MGRN1: variants seen among roughly 807,000 people sequenced by gnomAD.
MGRN1 encodes E3 ubiquitin-protein ligase MGRN1.
In MGRN1, 29 loss-of-function variants were observed where a neutral mutation model predicts 69.2. The observed-to-expected ratio is 0.42, with a 90% CI of 0.31 to 0.57. The LOEUF is 0.57. Among genes scored for constraint, MGRN1 ranks in the 20% least tolerant of loss-of-function variants. The probability of loss-of-function intolerance (pLI) is 0.15; values close to 1 mark genes in which losing one functional copy is unlikely to be tolerated. For synonymous variants in MGRN1, 470 were observed against 344.2 expected (o/e 1.37, Z -4.04); for missense variants, 998 against 796.2 (o/e 1.25, Z -3.05).
rs564300794 is a variant in MGRN1, at chr16:4,648,781, C to T, written c.89-1584C>T. On this transcript the variant is annotated intron_variant, in intron 1 of 16. Coordinates refer to ENST00000262370, the MANE Select transcript of MGRN1 (RefSeq NM_015246.4). ...CGGCTCCTCCTCCCGGGGCTCTTCC[C>T]GTGGTCACCCGGGTCCTCCTCCCGG... is the stretch of plus-strand genomic sequence containing the variant. Among the ~76,000 whole-genome samples, 10 of 128,590 alleles carry T rather than the reference C, an allele frequency of 7.8e-5. No individual in the cohort carries two copies. In the East Asian group the frequency reaches 1.8e-3, roughly 23 times the overall value. 84.4% of individuals were successfully genotyped at this position (128,590 alleles called of 152,430 possible). A position where few individuals can be genotyped will look rare whatever the true frequency, so the allele number is the denominator to read the frequency against.
intron 5 of MGRN1, among the ~76,000 whole-genome samples, chr16:4,659,687 C>A (rs2078632422): frequency 6.6e-6 from 1 of 152,276 alleles, no homozygotes; most frequent in African/African-American, 2.4e-5. Context: ...ACATAAGGGG[C>A]AGCTGCTGCT....
rs887280669 is a variant in MGRN1, at chr16:4,657,500, G to T, written c.561+137G>T. The T allele has an allele frequency of 9.6e-6, 8 of 829,284 alleles. No individual in the cohort carries two copies. The Admixed American group carries it at 9.8e-5, about 10-fold the overall frequency. The allele number at this position is 829,284 out of a possible 1,614,324, so 51.4% of individuals were successfully genotyped here. On this transcript the variant is annotated intron_variant, in intron 5 of 16. Transcript: ENST00000262370. ...GACCTGGGAACGGCCGCCCCAGTCT[G>T]TGCTCAGGTGGACGTGTGGATGGGC...
At position 4,677,458 on chromosome 16, in the gene MGRN1, C is replaced by G. The variant is rs1303387049; in HGVS notation, c.956-5C>G. The stretch of plus-strand genomic sequence containing the variant: ...GGCCTGATCTGAGCCCTCCTTCTGC[C>G]GCAGCTTTCCGGGCCCTCCTGCAGA... On this transcript the variant is annotated splice_region_variant and splice_polypyrimidine_tract_variant and intron_variant, in intron 10 of 16. Coordinates refer to ENST00000262370, the MANE Select transcript of MGRN1 (RefSeq NM_015246.4). 1.9e-6 allele frequency: 3 copies of G among 1,545,204 alleles called. No homozygotes were observed. In the African/African-American group the frequency reaches 4.1e-5, roughly 21 times the overall value.
chr16:4,687,349 G>T, intron 16 of MGRN1: 1 of 960,738 alleles, frequency 1.0e-6, no homozygotes, highest in Non-Finnish European at 1.2e-6. Context: ...AGGAATTCAA[G>T]ATCAGTGTAG....
chr16:4,664,570 G>C, intron 5 of MGRN1, 139 bp from the exon 6 acceptor site: 1 of 800,008 alleles, frequency 1.2e-6, no homozygotes, highest in Non-Finnish European at 2.1e-6. Flanking sequence ...CGCCTTCCCT[G>C]CCATCTCGAG....
intron 12 of MGRN1, 57 bp downstream of exon 12, chr16:4,680,154 AC>A: frequency 4.5e-6 from 7 of 1,539,568 alleles, no homozygotes; most frequent in Non-Finnish European, 6.3e-6. Context: ...TTTTAAACCC[AC>A]GACAAGTAGG....
At chr16:4,642,588 T>A (rs2078185337) in intron 1 of MGRN1, among the ~76,000 whole-genome samples, 1 of 151,552 alleles carries the variant, frequency 6.6e-6, no homozygotes, top group South Asian at 2.1e-4. Flanking sequence ...CCTCCCAAAG[T>A]GCTGGGATTA....
At chr16:4,684,051 C>G (rs938094554) in intron 16 of MGRN1, 119 bp downstream of exon 16, 4 of 877,922 alleles carry the variant, frequency 4.6e-6, no homozygotes, top group Non-Finnish European at 7.0e-6. Context: ...GCCTGGTTCT[C>G]TCCCTGGCTC....
At chr16:4,652,149 G>A in intron 3 of MGRN1, 98 bp downstream of exon 3, 1 of 1,232,878 alleles carries the variant, frequency 8.1e-7, no homozygotes, top group Non-Finnish European at 1.1e-6. Context: ...CAGGCGGGAG[G>A]GGCCCCAGTT....
chr16:4,688,503 G>A (rs1336540521), intron 16 of MGRN1: 2 of 1,195,304 alleles, frequency 1.7e-6, no homozygotes, highest in Non-Finnish European at 2.1e-6. Context: ...AGGAGGCCCA[G>A]AGGGCATCCA....
intron 8 of MGRN1, among the ~76,000 whole-genome samples, chr16:4,670,712 CAA>C (rs2141944509): frequency 6.6e-6 from 1 of 152,234 alleles, no homozygotes; most frequent in Admixed American, 6.5e-5. Context: ...TCACAATAAA[CAA>C]AAGAGAGGTG....
chr16:4,663,444 G>A (rs1452061962), intron 5 of MGRN1, among the ~76,000 whole-genome samples: 3 of 140,898 alleles, frequency 2.1e-5, no homozygotes, highest in Non-Finnish European at 4.6e-5. Flanking sequence ...CGTGTTAAGC[G>A]AATGATTCGC....
intron 1 of MGRN1, among the ~76,000 whole-genome samples, chr16:4,636,263 C>T (rs1308970404): frequency 1.3e-5 from 2 of 151,940 alleles, no homozygotes; most frequent in Non-Finnish European, 2.9e-5. Flanking sequence ...CTGGGAACCA[C>T]CCCCCTGACT....
chr16:4,650,603 T>C, intron 2 of MGRN1, 120 bp downstream of exon 2: 1 of 762,242 alleles, frequency 1.3e-6, no homozygotes, highest in Non-Finnish European at 2.1e-6. Context: ...GGGGCAGAGC[T>C]CCTGGCAGGA....
chr16:4,683,929 C>A lies in MGRN1; in HGVS notation c.1615C>A (p.Pro539Thr). Residue 539 changes from proline (P) to threonine (T), a missense_variant, in exon 16 of 17, where the codon CCA (proline) becomes ACA (threonine). Coordinates refer to ENST00000262370, the MANE Select transcript of MGRN1 (RefSeq NM_015246.4). ...AGGCCCACCTGCTGACATCTACCTG[C>A]CAGGTAAGGGGCTGGGGGTCTGGGG... ...GRGPPADIYL[P>T]GRPTSMETAH... 1 of 1,600,936 alleles carries A rather than the reference C, an allele frequency of 6.2e-7. No homozygotes were observed. The highest frequency in any genetic ancestry group is 8.5e-7 in the Non-Finnish European group (1 of 1,173,668).
chr16:4,683,143 G>A, intron 14 of MGRN1, 81 bp from the exon 15 acceptor site: 1 of 1,576,150 alleles, frequency 6.3e-7, no homozygotes, highest in Non-Finnish European at 8.7e-7. Context: ...GTCCCGGGAG[G>A]GCCGTGCCTG....
At chr16:4,673,464 G>C (rs1315980747) in intron 9 of MGRN1, 34 bp from the exon 10 acceptor site, 1 of 1,603,798 alleles carries the variant, frequency 6.2e-7, no homozygotes, top group South Asian at 1.1e-5. Flanking sequence ...TGGCCTTTGG[G>C]AGGCTGCTGA....
At chr16:4,645,697 T>C (rs578014003) in intron 1 of MGRN1, among the ~76,000 whole-genome samples, 2 of 152,004 alleles carry the variant, frequency 1.3e-5, no homozygotes, top group Non-Finnish European at 2.9e-5. Flanking sequence ...AGGGAAGAGC[T>C]GGATGAGCTG....
intron 1 of MGRN1, among the ~76,000 whole-genome samples, chr16:4,635,776 A>T (rs1898254030): frequency 6.6e-6 from 1 of 150,790 alleles, no homozygotes; most frequent in African/African-American, 2.4e-5. Context: ...CTGGGATTAC[A>T]GGTGCCCACT....
Sources: gnomAD v4.1 joint callset for allele counts (sites outside exome capture counted in the v4.1 genomes callset) on GRCh38, gnomAD v4.1.1 for gene constraint, MANE v1.5 for transcripts, NCBI Gene and HGNC (gene_info 2026-07-23, HGNC 2026-07-21) for gene names.